Variants in DOP1A observed in about 807,000 individuals in gnomAD.
DOP1A encodes the protein protein DOP1A.
A neutral mutation model predicts 267.6 loss-of-function variants in DOP1A; 90 were observed. That is an observed-to-expected ratio of 0.34 (90% CI 0.28 to 0.40). DOP1A has a LOEUF of 0.40. DOP1A is among the 10% of genes least tolerant of loss of function. The pLI is 1.00. For synonymous variants in DOP1A, 932 were observed against 999.1 expected, an observed-to-expected ratio of 0.93 and a Z score of 1.27; for missense variants, 2,437 against 2,900.4, an observed-to-expected ratio of 0.84 and a Z score of 3.67.
Position 83,137,660 on chromosome 6 carries a change from T to C in DOP1A, c.3618T>C (p.Asn1206=), listed in dbSNP as rs1469995252. 1 of 1,613,784 alleles carries C rather than the reference T, an allele frequency of 6.2e-7. No individual in the cohort carries two copies. The highest frequency in any genetic ancestry group is 8.5e-7 in the Non-Finnish European group (1 of 1,179,844). The change falls in exon 21 of 39, where the codon AAT becomes AAC. Residue 1206 remains asparagine, a synonymous_variant. Coordinates refer to ENST00000349129, the MANE Select transcript of DOP1A (RefSeq NM_015018.4). The part of the protein sequence containing the change: ...IEDDSIQQSQ[N]ALLSNESSQF... ...ATGACTCCATTCAACAGAGTCAGAA[T>C]GCTTTGCTGAGTAATGAAAGTTCTC...
At chr6:83,122,793 A>G (rs752908937) in intron 11 of DOP1A, 70 bp from the exon 12 acceptor site, 255 of 1,169,936 alleles carry the variant, frequency 2.2e-4, no homozygotes, top group South Asian at 3.6e-4. Flanking sequence ...CTGGCACTGC[A>G]CTCAAATTTA....
intron 36 of DOP1A, 44 bp downstream of exon 36, chr6:83,158,666 C>T: frequency 7.4e-7 from 1 of 1,347,184 alleles, no homozygotes; most frequent in Non-Finnish European, 1.0e-6. Context: ...TTTTAATACC[C>T]TGAAATTATT....
At position 83,100,807 on chromosome 6, in the gene DOP1A, C is replaced by T. The variant is rs764152273; in HGVS notation, c.241C>T (p.Arg81Trp). The change falls in exon 4 of 39, where the codon CGG becomes TGG. Residue 81 changes from arginine to tryptophan, a missense_variant. This residue lies in a region of DOP1A where 251 missense variants were observed against 359.1 expected (regional missense o/e 0.70). Coordinates refer to ENST00000349129, the MANE Select transcript of DOP1A (RefSeq NM_015018.4). ...LHPALPGGVH[R>W]KALETYEIIF... ...TCCAGCATTACCAGGTGGAGTTCAT[C>T]GGAAGGCGCTTGAAACATATGAAAT... The T allele has an allele frequency of 3.8e-6, 6 of 1,593,438 alleles. No individual in the cohort carries two copies. The highest frequency in any genetic ancestry group is 2.3e-5 in the East Asian group (1 of 44,138).
At chr6:83,150,349 C>CA (rs1781409685) in intron 27 of DOP1A, among the ~76,000 whole-genome samples, 1 of 152,112 alleles carries the variant, frequency 6.6e-6, no homozygotes, top group South Asian at 2.1e-4. Context: ...CTAATTTCAT[C>CA]AAAAAATTAA....
chr6:83,119,873 AT>A lies in DOP1A; in HGVS notation c.990+18del, dbSNP rs780928311. On this transcript the variant is annotated intron_variant, in intron 9 of 38. Coordinates refer to ENST00000349129, the MANE Select transcript of DOP1A (RefSeq NM_015018.4). ...ATTAGTCCAGGTAATGAATACTTTT[AT>A]TATTCTTTGGTTACTTACTGACCAC... 1.3e-6 allele frequency: 2 copies of A among 1,595,172 alleles called. No homozygotes were observed. The highest frequency in any genetic ancestry group is 2.2e-5 in the South Asian group (2 of 90,534).
At chr6:83,162,733 A>G (rs958419946) in intron 37 of DOP1A, 57 bp from the exon 38 acceptor site, 6 of 1,542,944 alleles carry the variant, frequency 3.9e-6, no homozygotes, top group Non-Finnish European at 5.2e-6. Context: ...ATGTGGCCTA[A>G]TCTTAGATGG....
At chr6:83,074,083 A>G (rs1786062291) in intron 1 of DOP1A, among the ~76,000 whole-genome samples, 1 of 152,208 alleles carries the variant, frequency 6.6e-6, no homozygotes, top group African/African-American at 2.4e-5. Context: ...TATCTATCTA[A>G]ATCGTAAACA....
At chr6:83,127,150 G>A (rs935711038) in intron 15 of DOP1A, among the ~76,000 whole-genome samples, 1 of 152,100 alleles carries the variant, frequency 6.6e-6, no homozygotes, top group African/African-American at 2.4e-5. Context: ...GAGTAATTGG[G>A]GAAGTTGCAA....
In DOP1A at chr6:83,135,705, A is replaced by C. The variant is rs760967869; in HGVS notation, c.2957A>C (p.Gln986Pro). The change falls in exon 20 of 39, where the codon CAA (glutamine) becomes CCA (proline). Residue 986 changes from glutamine to proline, a missense_variant. Gln to Pro is a moderately conservative substitution (Grantham distance 76). Coordinates refer to ENST00000349129, the MANE Select transcript of DOP1A (RefSeq NM_015018.4). ...VGQAWLNQVL[Q>P]RHDIARVLEP... is the part of the protein sequence containing the mutation. ...CAAGCCTGGCTGAACCAAGTCCTAC[A>C]AAGACATGATATTGCACGAGTTTTG... The C allele has an allele frequency of 1.2e-6, 2 of 1,613,766 alleles. No individual in the cohort carries two copies. Among genetic ancestry groups the C allele is most frequent in the Non-Finnish European group, 1.7e-6 (2 of 1,179,746 alleles).
At chr6:83,119,927 G>A in intron 9 of DOP1A, 70 bp downstream of exon 9, 1 of 1,251,010 alleles carries the variant, frequency 8.0e-7, no homozygotes, top group Non-Finnish European at 1.1e-6. Context: ...TGTAAGACGA[G>A]GTCTTGCCTT....
At chr6:83,131,013 CA>C (rs1048204396) in intron 17 of DOP1A, among the ~76,000 whole-genome samples, 1 of 152,088 alleles carries the variant, frequency 6.6e-6, no homozygotes, top group African/African-American at 2.4e-5. Context: ...GCTGAGATTA[CA>C]GGTGTGAGCA....
intron 20 of DOP1A, 147 bp downstream of exon 20, chr6:83,136,025 T>C: frequency 2.1e-6 from 2 of 955,680 alleles, no homozygotes; most frequent in South Asian, 1.7e-5. Flanking sequence ...AGCAATGCTG[T>C]GTGGACCATG....
At chr6:83,135,508 C>A in intron 19 of DOP1A, 111 bp from the exon 20 acceptor site, 1 of 1,123,616 alleles carries the variant, frequency 8.9e-7, no homozygotes, top group Non-Finnish European at 1.2e-6. Flanking sequence ...TGAAGTATGA[C>A]TACTTCAAAA....
intron 1 of DOP1A, among the ~76,000 whole-genome samples, chr6:83,077,252 A>G (rs920059173): frequency 6.6e-6 from 1 of 152,194 alleles, no homozygotes; most frequent in Non-Finnish European, 1.5e-5. Flanking sequence ...CTGTAATCCC[A>G]ACACTTTGGA....
chr6:83,167,545 T>C, intron 38 of DOP1A: 1 of 1,039,364 alleles, frequency 9.6e-7, no homozygotes, highest in African/African-American at 1.7e-5. Context: ...TGGGAGCTTT[T>C]TGAGTAAATA....
chr6:83,091,417 A>G (rs60361375), intron 1 of DOP1A, among the ~76,000 whole-genome samples: 2,610 of 150,200 alleles, frequency 0.017, 91 homozygotes, highest in African/African-American at 0.059. Flanking sequence ...GTTTGATATA[A>G]ACATATATCA....
intron 37 of DOP1A, 72 bp from the exon 38 acceptor site, chr6:83,162,718 A>G (rs1033871838): frequency 1.3e-6 from 2 of 1,499,910 alleles, no homozygotes; most frequent in Non-Finnish European, 1.8e-6. Flanking sequence ...TCTTTCTACT[A>G]CATTATGTGG....
At chr6:83,155,298 CAAAAAAA>C (rs1197027815) in intron 33 of DOP1A, among the ~76,000 whole-genome samples, 1 of 57,788 alleles carries the variant, frequency 1.7e-5, no homozygotes, top group African/African-American at 6.2e-5. Context: ...CCCAGCTCTA[CAAAAAAA>C]AAAAAAAAAA....
chr6:83,159,656 A>G, intron 36 of DOP1A, 140 bp from the exon 37 acceptor site: 3 of 921,964 alleles, frequency 3.3e-6, no homozygotes, highest in South Asian at 1.6e-5. Flanking sequence ...GTGACATTTC[A>G]TCATGACCTT....
Sources: gnomAD v4.1 joint callset for allele counts (sites outside exome capture counted in the v4.1 genomes callset) on GRCh38, gnomAD v4.1.1 for gene constraint, gnomAD v4.1.1 regional missense constraint, MANE v1.5 for transcripts, NCBI Gene and HGNC (gene_info 2026-07-23, HGNC 2026-07-21) for gene names.